The following CSMD1 variants were observed in gnomAD, a reference collection of about 807,000 sequenced individuals.
CSMD1 encodes the protein CUB and sushi domain-containing protein 1.
A neutral mutation model predicts 417.5 loss-of-function variants in CSMD1; 213 were observed. The ratio of observed to expected loss-of-function variants is 0.51; its 90% confidence interval spans 0.46 to 0.57. The LOEUF is 0.57. CSMD1 is among the 20% of genes least tolerant of loss of function. The pLI, the probability that CSMD1 is intolerant of heterozygous loss-of-function variation, is 0.00. For synonymous variants in CSMD1, 2,862 were observed against 1,736.8 expected, an observed-to-expected ratio of 1.65 and a Z score of -16.11; for missense variants, 6,923 against 4,529.7, an observed-to-expected ratio of 1.53 and a Z score of -15.17.
chr8:3,729,755 C>A lies in CSMD1; in HGVS notation c.932-21264G>T, dbSNP rs11784562. 5.1e-3 allele frequency among the ~76,000 whole-genome samples: 782 copies of A among 152,070 alleles called. 1 individual carries two copies. The highest frequency in any genetic ancestry group is 8.7e-3 in the Admixed American group (133 of 15,268). On this transcript the variant is annotated intron_variant, in intron 6 of 69. Coordinates refer to ENST00000635120, the MANE Select transcript of CSMD1 (RefSeq NM_033225.6). ...CAGAGGATTTTAAAAGCTCTCACCACAAAGACATAATTATTTCAGGTGATA... is the reference window on the plus strand; with the variant it reads ...CAGAGGATTTTAAAAGCTCTCACCAAAAAGACATAATTATTTCAGGTGATA...
chr8:3,921,706 T>C (rs1809279580), intron 5 of CSMD1, among the ~76,000 whole-genome samples: 1 of 152,170 alleles, frequency 6.6e-6, no homozygotes, highest in Non-Finnish European at 1.5e-5. Flanking sequence ...ATTTTCCTCC[T>C]CTCCCTGATT....
intron 3 of CSMD1, among the ~76,000 whole-genome samples, chr8:4,298,488 A>C (rs1797804572): frequency 1.3e-5 from 2 of 152,134 alleles, no homozygotes; most frequent in African/African-American, 4.8e-5. Flanking sequence ...ATATTATTTG[A>C]GTAATGGATA....
At chr8:3,199,317 A>G (rs986119942) in intron 33 of CSMD1, among the ~76,000 whole-genome samples, 1 of 152,178 alleles carries the variant, frequency 6.6e-6, no homozygotes, top group African/African-American at 2.4e-5. Context: ...TTATAATAAA[A>G]TGTGAAATTG....
At chr8:3,742,640 C>A (rs557532381) in intron 6 of CSMD1, among the ~76,000 whole-genome samples, 1 of 152,058 alleles carries the variant, frequency 6.6e-6, no homozygotes, top group South Asian at 2.1e-4. Flanking sequence ...TTCTGCTCGT[C>A]CTGAAGGACG....
At chr8:4,894,217 C>T (rs1319972311) in intron 1 of CSMD1, among the ~76,000 whole-genome samples, 1 of 151,990 alleles carries the variant, frequency 6.6e-6, no homozygotes, top group Non-Finnish European at 1.5e-5. Flanking sequence ...AAACTTCATC[C>T]ATTTATTTCA....
At chr8:4,821,104 T>C (rs1045255359) in intron 1 of CSMD1, among the ~76,000 whole-genome samples, 4 of 152,138 alleles carry the variant, frequency 2.6e-5, no homozygotes, top group African/African-American at 9.7e-5. Flanking sequence ...ACCAGATTGA[T>C]ACTTAAGATC....
intron 1 of CSMD1, among the ~76,000 whole-genome samples, chr8:4,648,287 G>C (rs1469478533): frequency 6.6e-6 from 1 of 152,102 alleles, no homozygotes; most frequent in Non-Finnish European, 1.5e-5. Flanking sequence ...ATTTCTTGTA[G>C]TTTTTTGTTT....
chr8:4,076,649 T>C (rs2130797130), intron 3 of CSMD1, among the ~76,000 whole-genome samples: 1 of 152,308 alleles, frequency 6.6e-6, no homozygotes. Flanking sequence ...GATTATTCTC[T>C]AACAAGGCCT....
intron 2 of CSMD1, among the ~76,000 whole-genome samples, chr8:4,575,226 A>T (rs570998900): frequency 3.9e-5 from 6 of 152,204 alleles, no homozygotes; most frequent in Non-Finnish European, 8.8e-5. Context: ...CTAAAAATAC[A>T]GTTACTGTCT....
chr8:3,385,539 A>G (rs954633822), intron 18 of CSMD1, among the ~76,000 whole-genome samples: 3 of 152,088 alleles, frequency 2.0e-5, no homozygotes, highest in African/African-American at 7.2e-5. Context: ...TCTTCAAAGC[A>G]ATGTTACACA....
intron 3 of CSMD1, among the ~76,000 whole-genome samples, chr8:4,315,351 C>G (rs879352927): frequency 9.2e-5 from 14 of 152,140 alleles, no homozygotes; most frequent in African/African-American, 3.1e-4. Flanking sequence ...ACTGTGAGCC[C>G]CAGGTGGCAG....
intron 1 of CSMD1, among the ~76,000 whole-genome samples, chr8:4,907,231 C>A (rs7831535): frequency 0.59 from 89,111 of 152,112 alleles, 27,108 homozygotes; most frequent in African/African-American, 0.72. Flanking sequence ...TAGTGAAAAG[C>A]TACTTCTCTA....
chr8:4,872,340 C>T (rs1322894374), intron 1 of CSMD1, among the ~76,000 whole-genome samples: 1 of 152,066 alleles, frequency 6.6e-6, no homozygotes, highest in Non-Finnish European at 1.5e-5. Flanking sequence ...ATCATCTCCA[C>T]ATGTCAAGGA....
intron 2 of CSMD1, among the ~76,000 whole-genome samples, chr8:4,477,180 C>T (rs564518123): frequency 2.9e-4 from 44 of 152,300 alleles, no homozygotes; most frequent in South Asian, 6.2e-4. Context: ...TGTCTTCCTG[C>T]GCAGACACCT....
chr8:3,693,486 T>TG lies in CSMD1; in HGVS notation c.1009+14927_1009+14928insC, dbSNP rs1800367771. On this transcript the variant is annotated intron_variant, in intron 7 of 69. Transcript: ENST00000635120. ...TTGATACTGAAATTGCTGGTCAAAT[T>TG]ATGGCAGCAGGCAGCCGCCTGGAGA... is the stretch of plus-strand genomic sequence containing the variant. 4.6e-5 allele frequency among the ~76,000 whole-genome samples: 7 copies of TG among 152,190 alleles called. No homozygotes were observed. The South Asian group carries it at 1.5e-3, about 32-fold the overall frequency.
In CSMD1 at chr8:3,223,723, C is replaced by T. The variant is rs765033806; in HGVS notation, c.4484+6G>A. 8.7e-5 allele frequency: 141 copies of T among 1,613,468 alleles called. 1 individual carries two copies. The highest frequency in any genetic ancestry group is 3.3e-4 in the Middle Eastern group (2 of 6,080). On this transcript the variant is annotated splice_donor_region_variant and intron_variant, in intron 28 of 69. Coordinates refer to ENST00000635120, the MANE Select transcript of CSMD1 (RefSeq NM_033225.6). ...CTAAAAAGAGGTATTCTGCAAGAGA[C>T]GGTACCTTTTGAATATCAAGGCGAT...
At chr8:3,552,979 C>A (rs1798982600) in intron 10 of CSMD1, among the ~76,000 whole-genome samples, 1 of 151,892 alleles carries the variant, frequency 6.6e-6, no homozygotes. Context: ...AATAGTTCAC[C>A]ACATATTTAG....
At chr8:3,128,691 G>C (rs74304337) in intron 41 of CSMD1, 1 of 351,360 alleles carries the variant, frequency 2.8e-6, no homozygotes, top group Non-Finnish European at 5.5e-6. Flanking sequence ...TACCCTACAA[G>C]AAAATAAAAT....
chr8:3,809,642 T>G (rs559388061), intron 5 of CSMD1, among the ~76,000 whole-genome samples: 23 of 152,250 alleles, frequency 1.5e-4, no homozygotes, highest in Admixed American at 4.6e-4. Flanking sequence ...CGGCTAAGAA[T>G]TCTCATTCTA....
Sources: allele counts gnomAD v4.1 joint callset (sites outside exome capture counted in the v4.1 genomes callset), GRCh38; gene constraint gnomAD v4.1.1; transcripts MANE v1.5; gene names NCBI Gene and HGNC (gene_info 2026-07-23, HGNC 2026-07-21).